Variants in DCDC1 observed in about 807,000 individuals in gnomAD.
DCDC1 encodes doublecortin domain containing 1.
In DCDC1, 200 loss-of-function variants were observed where a neutral mutation model predicts 178.3. The observed-to-expected ratio is 1.12, with a 90% CI of 1.00 to 1.26. DCDC1 has a LOEUF of 1.26. Ranked by LOEUF, DCDC1 falls within the 50% of genes most tolerant of loss-of-function variation. DCDC1 has a pLI of 0.00. For missense variants in DCDC1, 1,983 were observed against 1,749.2 expected, an observed-to-expected ratio of 1.13 and a Z score of -2.38; for synonymous variants, 690 against 604.8, an observed-to-expected ratio of 1.14 and a Z score of -2.07.
chr11:31,207,841 G>T (rs1972051732), intron 9 of DCDC1, among the ~76,000 whole-genome samples: 1 of 152,046 alleles, frequency 6.6e-6, no homozygotes, highest in Non-Finnish European at 1.5e-5. Context: ...AAGTGTTCTT[G>T]GCAAGGTCAC....
At chr11:31,066,266 A>G (rs907551890) in intron 18 of DCDC1, among the ~76,000 whole-genome samples, 5 of 152,202 alleles carry the variant, frequency 3.3e-5, no homozygotes, top group African/African-American at 1.2e-4. Context: ...AATTTCCCAC[A>G]TAACAATAAA....
At chr11:30,989,016 T>C (rs1356303711) in intron 20 of DCDC1, among the ~76,000 whole-genome samples, 1 of 152,172 alleles carries the variant, frequency 6.6e-6, no homozygotes, top group African/African-American at 2.4e-5. Flanking sequence ...CACTGATATT[T>C]CTATGGCATT....
chr11:31,026,131 T>A (rs148315554), intron 20 of DCDC1, among the ~76,000 whole-genome samples: 7 of 151,978 alleles, frequency 4.6e-5, no homozygotes, highest in Non-Finnish European at 1.0e-4. Flanking sequence ...GGAATTTGTA[T>A]CTGTATTTAT....
chr11:31,231,271 A>G (rs1975747660), intron 9 of DCDC1, among the ~76,000 whole-genome samples: 1 of 151,988 alleles, frequency 6.6e-6, no homozygotes, highest in South Asian at 2.1e-4. Context: ...TTTCTCCTCA[A>G]CTTTGTATTT....
chr11:30,962,230 A>G (rs1949145270), intron 20 of DCDC1, among the ~76,000 whole-genome samples: 3 of 152,228 alleles, frequency 2.0e-5, no homozygotes, highest in African/African-American at 4.8e-5. Flanking sequence ...TAAATTAAAC[A>G]TTATTCTACT....
chr11:30,866,986 C>G (rs557800809), intron 38 of DCDC1, among the ~76,000 whole-genome samples: 1 of 152,150 alleles, frequency 6.6e-6, no homozygotes, highest in Non-Finnish European at 1.5e-5. Context: ...CCTCACCATA[C>G]ACCAGTGCCT....
chr11:30,869,031 C>A (rs1197150262), intron 38 of DCDC1, among the ~76,000 whole-genome samples: 3 of 152,228 alleles, frequency 2.0e-5, no homozygotes, highest in Non-Finnish European at 4.4e-5. Flanking sequence ...AGCCACAAAT[C>A]ATCACGCTTG....
intron 36 of DCDC1, among the ~76,000 whole-genome samples, chr11:30,891,131 A>G (rs1158977580): frequency 1.3e-5 from 2 of 152,194 alleles, no homozygotes. Flanking sequence ...AACTCTGTCA[A>G]TTTGACATAT....
intron 20 of DCDC1, among the ~76,000 whole-genome samples, chr11:30,983,875 C>T (rs969975994): frequency 2.4e-4 from 37 of 152,062 alleles, no homozygotes; most frequent in Non-Finnish European, 5.4e-4. Flanking sequence ...TGGAAACAGA[C>T]CACAGGGGGT....
chr11:31,257,717 CACAT>C (rs1463199618), intron 8 of DCDC1, among the ~76,000 whole-genome samples: 104 of 151,066 alleles, frequency 6.9e-4, no homozygotes, highest in Non-Finnish European at 1.3e-3. Flanking sequence ...CACACACACA[CACAT>C]ACACACACAC....
Position 30,903,286 on chromosome 11 carries a change from C to G in DCDC1, c.4510+196G>C, listed in dbSNP as rs576392234. Among the ~76,000 whole-genome samples the G allele has an allele frequency of 5.9e-4, 90 of 152,156 alleles. 1 individual carries two copies. The highest frequency in any genetic ancestry group is 2.0e-3 in the African/African-American group (83 of 41,502). The stretch of plus-strand genomic sequence containing the variant: ...GTTTCAGTGCTAAAATCAAAATTTG[C>G]ATTAATTTTTAACTTTTCTTATAAT... On this transcript the variant is annotated intron_variant, in intron 32 of 38. Coordinates refer to ENST00000684477, the MANE Select transcript of DCDC1 (RefSeq NM_001387274.1).
At chr11:31,103,501 A>C in intron 14 of DCDC1, 143 bp downstream of exon 14, 1 of 543,154 alleles carries the variant, frequency 1.8e-6, no homozygotes, top group Non-Finnish European at 3.2e-6. Flanking sequence ...CCATTAAATA[A>C]GTCAATAAAA....
At chr11:30,905,290 GT>G in intron 30 of DCDC1, 126 bp from the exon 31 acceptor site, 1 of 983,816 alleles carries the variant, frequency 1.0e-6, no homozygotes, top group Non-Finnish European at 1.5e-6. Context: ...CTCTCTTCAT[GT>G]TTTATAGATA....
chr11:30,949,587 G>T (rs1358955404), intron 21 of DCDC1, among the ~76,000 whole-genome samples: 1 of 151,996 alleles, frequency 6.6e-6, no homozygotes, highest in Admixed American at 6.6e-5. Context: ...TCACAATAGC[G>T]AAGACTTGAA....
At chr11:31,329,116 A>C (rs184686198) in intron 2 of DCDC1, among the ~76,000 whole-genome samples, 2 of 152,158 alleles carry the variant, frequency 1.3e-5, no homozygotes, top group Admixed American at 1.3e-4. Context: ...TCCCACATAC[A>C]GAGATTGGTA....
At chr11:31,083,231 G>A (rs972724147) in intron 17 of DCDC1, among the ~76,000 whole-genome samples, 6 of 152,102 alleles carry the variant, frequency 3.9e-5, no homozygotes, top group African/African-American at 1.4e-4. Flanking sequence ...TATGAAAGAC[G>A]GTAAAGATTA....
intron 9 of DCDC1, among the ~76,000 whole-genome samples, chr11:31,158,151 C>T (rs1565363314): frequency 5.3e-5 from 8 of 152,202 alleles, no homozygotes; most frequent in Admixed American, 6.5e-5. Context: ...CTCTGTCACC[C>T]AGGCTGGAGT....
chr11:30,880,875 C>T (rs1942597955), intron 37 of DCDC1, among the ~76,000 whole-genome samples: 1 of 152,150 alleles, frequency 6.6e-6, no homozygotes, highest in Admixed American at 6.6e-5. Flanking sequence ...AGGGTTCATA[C>T]TAGGGGAATA....
chr11:31,004,591 G>A (rs1951740297), intron 20 of DCDC1, among the ~76,000 whole-genome samples: 1 of 150,586 alleles, frequency 6.6e-6, no homozygotes, highest in Non-Finnish European at 1.5e-5. Flanking sequence ...GCTGAGGCAG[G>A]AGAATGGCAT....
Sources: allele counts gnomAD v4.1 joint callset (sites outside exome capture counted in the v4.1 genomes callset), GRCh38; gene constraint gnomAD v4.1.1; transcripts MANE v1.5; gene names NCBI Gene and HGNC (gene_info 2026-07-23, HGNC 2026-07-21).